PTN: variants seen among roughly 807,000 people sequenced by gnomAD.
PTN encodes the protein heparin affin regulatory protein.
In PTN, 18 loss-of-function variants were observed where a neutral mutation model predicts 24.1. That is an observed-to-expected ratio of 0.75 (90% CI 0.52 to 1.11). PTN has a LOEUF of 1.11. PTN is among the 50% of genes least tolerant of loss of function. The pLI is 0.00. For synonymous variants in PTN, 78 were observed against 68.6 expected (o/e 1.14, Z -0.67); for missense variants, 163 against 198.8 (o/e 0.82, Z 1.08).
chr7:137,274,703 A>G (rs1011193045), intron 1 of PTN, among the ~76,000 whole-genome samples: 2 of 152,250 alleles, frequency 1.3e-5, no homozygotes, highest in African/African-American at 4.8e-5. Flanking sequence ...TATTTGTGAA[A>G]TTATATTTAA....
intron 1 of PTN, among the ~76,000 whole-genome samples, chr7:137,283,733 T>C (rs1289273938): frequency 6.6e-6 from 1 of 152,196 alleles, no homozygotes; most frequent in East Asian, 1.9e-4. Flanking sequence ...AGGAAAGAAA[T>C]GTGACTTATT....
intron 4 of PTN, among the ~76,000 whole-genome samples, chr7:137,234,823 T>C (rs146599723): frequency 1.6e-4 from 24 of 152,214 alleles, no homozygotes; most frequent in Non-Finnish European, 2.8e-4. Context: ...AATTAGGAGA[T>C]GAAATGATTT....
intron 4 of PTN, among the ~76,000 whole-genome samples, chr7:137,246,805 C>T (rs322302): frequency 0.098 from 14,891 of 152,160 alleles, 779 homozygotes; most frequent in African/African-American, 0.11. Flanking sequence ...GAAGGAGCAT[C>T]GTGCAGTTGA....
intron 1 of PTN, among the ~76,000 whole-genome samples, chr7:137,322,037 C>T (rs971455557): frequency 1.3e-5 from 2 of 152,140 alleles, no homozygotes; most frequent in Non-Finnish European, 2.9e-5. Flanking sequence ...AGCTTAGAGG[C>T]CTTCCCTGGC....
chr7:137,280,785 T>C (rs1221890969), intron 1 of PTN, among the ~76,000 whole-genome samples: 1 of 144,802 alleles, frequency 6.9e-6, no homozygotes, highest in Non-Finnish European at 1.5e-5. Flanking sequence ...GGCCCAAGAA[T>C]TGGTTAAACC....
chr7:137,291,519 A>G (rs1809638512), intron 1 of PTN, among the ~76,000 whole-genome samples: 1 of 152,126 alleles, frequency 6.6e-6, no homozygotes, highest in Non-Finnish European at 1.5e-5. Flanking sequence ...GCAGCTGGGC[A>G]CCTGTACCTC....
At chr7:137,291,124 G>T (rs184909338) in intron 1 of PTN, among the ~76,000 whole-genome samples, 55 of 152,158 alleles carry the variant, frequency 3.6e-4, no homozygotes, top group Admixed American at 1.8e-3. Context: ...CCCATGAGAA[G>T]TTGTTTATTC....
intron 4 of PTN, among the ~76,000 whole-genome samples, chr7:137,233,376 G>A (rs1396878516): frequency 6.6e-6 from 1 of 151,910 alleles, no homozygotes; most frequent in Admixed American, 6.6e-5. Flanking sequence ...CAGAGGGCCA[G>A]TGTTAGTATC....
chr7:137,339,485 T>C (rs945649575), intron 1 of PTN, among the ~76,000 whole-genome samples: 14 of 149,040 alleles, frequency 9.4e-5, no homozygotes, highest in Admixed American at 4.1e-4. Context: ...CGCCTCTACA[T>C]TGATGTTGGG....
At chr7:137,328,371 A>T (rs1241346742) in intron 1 of PTN, among the ~76,000 whole-genome samples, 1 of 152,208 alleles carries the variant, frequency 6.6e-6, no homozygotes, top group Non-Finnish European at 1.5e-5. Context: ...CACTCACAAC[A>T]GGCTGCAGGG....
At chr7:137,340,171 G>A (rs1202505107) in intron 1 of PTN, among the ~76,000 whole-genome samples, 1 of 152,082 alleles carries the variant, frequency 6.6e-6, no homozygotes, top group Non-Finnish European at 1.5e-5. Context: ...AAACATGAAG[G>A]AGTCATTGTA....
At chr7:137,341,093 T>C (rs1402294653) in intron 1 of PTN, among the ~76,000 whole-genome samples, 2 of 152,176 alleles carry the variant, frequency 1.3e-5, no homozygotes, top group Admixed American at 6.5e-5. Flanking sequence ...CAAATAGGAA[T>C]ATGGTCAGAA....
chr7:137,297,675 G>A (rs1809740154), intron 1 of PTN, among the ~76,000 whole-genome samples: 1 of 151,912 alleles, frequency 6.6e-6, no homozygotes, highest in African/African-American at 2.4e-5. Flanking sequence ...AAATAGCCCA[G>A]GCGCATTCTT....
Position 137,250,004 on chromosome 7 carries a change from A to AT in PTN, c.451+1225dup, listed in dbSNP as rs542342721. 1.1e-4 allele frequency among the ~76,000 whole-genome samples: 17 copies of AT among 150,686 alleles called. No homozygotes were observed. The East Asian group carries it at 1.4e-3, about 12-fold the overall frequency. ...AGCCAATCTCCATCACCTTCTGCAGATTTTTTTTTTCTACTTTTATTTATT... is the reference window on the plus strand; with the variant it reads ...AGCCAATCTCCATCACCTTCTGCAGATTTTTTTTTTTCTACTTTTATTTATT... On this transcript the variant is annotated intron_variant, in intron 4 of 4. Transcript: ENST00000348225.
At chr7:137,261,758 G>C (rs1809042159) in intron 1 of PTN, among the ~76,000 whole-genome samples, 1 of 152,130 alleles carries the variant, frequency 6.6e-6, no homozygotes, top group Admixed American at 6.5e-5. Context: ...GTATGATTAG[G>C]CAAAAGGTAT....
At chr7:137,330,987 T>C (rs1414153580) in intron 1 of PTN, among the ~76,000 whole-genome samples, 1 of 152,228 alleles carries the variant, frequency 6.6e-6, no homozygotes, top group Non-Finnish European at 1.5e-5. Flanking sequence ...TAGAATTTTA[T>C]GTGAGGTCTG....
At chr7:137,258,872 T>G (rs183038126) in intron 1 of PTN, among the ~76,000 whole-genome samples, 22 of 152,230 alleles carry the variant, frequency 1.4e-4, no homozygotes, top group African/African-American at 3.4e-4. Context: ...AAATATGGAT[T>G]CTAAGGAAGT....
intron 4 of PTN, among the ~76,000 whole-genome samples, chr7:137,235,030 G>GA (rs1449812336): frequency 1.3e-5 from 2 of 152,040 alleles, no homozygotes; most frequent in Admixed American, 1.3e-4. Context: ...GCACATTGCA[G>GA]AGGTCAAGAG....
At chr7:137,254,069 G>C (rs886354985) in intron 2 of PTN, among the ~76,000 whole-genome samples, 1 of 152,162 alleles carries the variant, frequency 6.6e-6, no homozygotes, top group Non-Finnish European at 1.5e-5. Flanking sequence ...GGAGGTCGAA[G>C]CAGGCAGATC....
Sources: allele counts gnomAD v4.1 joint callset (sites outside exome capture counted in the v4.1 genomes callset), GRCh38; gene constraint gnomAD v4.1.1; transcripts MANE v1.5; gene names NCBI Gene and HGNC (gene_info 2026-07-23, HGNC 2026-07-21).